Variants in SMURF1 observed in about 807,000 individuals in gnomAD.
SMURF1 encodes the protein E3 ubiquitin-protein ligase SMURF1.
In SMURF1, 44 loss-of-function variants were observed where a neutral mutation model predicts 98.0. The ratio of observed to expected loss-of-function variants is 0.45; its 90% confidence interval spans 0.35 to 0.58. The LOEUF is 0.58. Ranked by LOEUF, SMURF1 falls within the 20% of genes least tolerant of loss-of-function variation. SMURF1 has a pLI of 0.00. For synonymous variants in SMURF1, 396 were observed against 374.9 expected (o/e 1.06, Z -0.65); for missense variants, 687 against 938.4 (o/e 0.73, Z 3.50).
rs1562994826 is a variant in SMURF1 at position 99,033,019 on chromosome 7, C to A, written c.2096+18G>T. Reference sequence around the variant, plus strand: ...TGGGGCTCCCAGGACGCCGTGACTTCCTGGCCGCGGTGCTTACCAGGTATG... The same window carrying A: ...TGGGGCTCCCAGGACGCCGTGACTTACTGGCCGCGGTGCTTACCAGGTATG... On this transcript the variant is annotated intron_variant, in intron 17 of 17. Coordinates refer to ENST00000361368, the MANE Select transcript of SMURF1 (RefSeq NM_181349.3). 6.3e-7 allele frequency: 1 copy of A among 1,599,668 alleles called. No homozygotes were observed. The highest frequency in any genetic ancestry group is 2.3e-5 in the East Asian group (1 of 44,424).
intron 1 of SMURF1, among the ~76,000 whole-genome samples, chr7:99,076,074 T>C (rs1318081722): frequency 1.3e-5 from 2 of 151,684 alleles, no homozygotes; most frequent in Non-Finnish European, 3.0e-5. Flanking sequence ...TCCTGGCTAA[T>C]TTTTTATTTT....
chr7:99,072,658 AGAAAATCC>A, intron 1 of SMURF1, among the ~76,000 whole-genome samples: 1 of 152,286 alleles, frequency 6.6e-6, no homozygotes, highest in East Asian at 1.9e-4. Flanking sequence ...AGAAAAGAAA[AGAAAATCC>A]GAAGGTGAGG....
At chr7:99,046,877 G>A (rs113340938) in intron 10 of SMURF1, among the ~76,000 whole-genome samples, 5 of 152,234 alleles carry the variant, frequency 3.3e-5, no homozygotes, top group South Asian at 2.1e-4. Context: ...AGGGCTGGGC[G>A]CTGTGGCCAA....
intron 6 of SMURF1, among the ~76,000 whole-genome samples, chr7:99,052,921 G>C (rs1795794867): frequency 6.6e-6 from 1 of 152,120 alleles, no homozygotes; most frequent in Non-Finnish European, 1.5e-5. Flanking sequence ...AAAATTAGCT[G>C]GGTGTGGTGG....
At chr7:99,045,038 C>G (rs1237329746) in intron 11 of SMURF1, among the ~76,000 whole-genome samples, 3 of 151,974 alleles carry the variant, frequency 2.0e-5, no homozygotes, top group Admixed American at 1.3e-4. Flanking sequence ...ACTTGGGAGG[C>G]TGAGGTAGGA....
At chr7:99,087,282 G>T (rs1796703873) in intron 1 of SMURF1, among the ~76,000 whole-genome samples, 1 of 152,114 alleles carries the variant, frequency 6.6e-6, no homozygotes, top group South Asian at 2.1e-4. Flanking sequence ...CTACTTGGGA[G>T]GCTGAGGTGG....
intron 11 of SMURF1, among the ~76,000 whole-genome samples, chr7:99,044,967 C>A (rs1795524504): frequency 6.6e-6 from 1 of 152,140 alleles, no homozygotes; most frequent in Non-Finnish European, 1.5e-5. Context: ...AAGACCTCAT[C>A]TCTACAAAAA....
intron 1 of SMURF1, among the ~76,000 whole-genome samples, chr7:99,069,668 A>G (rs1422448676): frequency 3.3e-5 from 5 of 152,032 alleles, no homozygotes; most frequent in Non-Finnish European, 7.4e-5. Flanking sequence ...TGATCTGTCA[A>G]TTCTGATACA....
chr7:99,067,012 T>C (rs1796211628), intron 1 of SMURF1, among the ~76,000 whole-genome samples: 1 of 150,140 alleles, frequency 6.7e-6, no homozygotes, highest in Admixed American at 6.6e-5. Flanking sequence ...TTTTTTTTTT[T>C]TGAGACAGAG....
intron 1 of SMURF1, among the ~76,000 whole-genome samples, chr7:99,092,949 CT>C (rs1796849300): frequency 6.6e-6 from 1 of 152,152 alleles, no homozygotes; most frequent in Non-Finnish European, 1.5e-5. Flanking sequence ...AACACACCTA[CT>C]GAGAATAATG....
intron 13 of SMURF1, among the ~76,000 whole-genome samples, 186 bp from the exon 14 acceptor site, chr7:99,038,711 T>C (rs112878565): frequency 9.9e-5 from 15 of 152,202 alleles, no homozygotes; most frequent in African/African-American, 3.4e-4. Context: ...CACAGCTCTG[T>C]TTCCAGATGT....
intron 1 of SMURF1, among the ~76,000 whole-genome samples, chr7:99,090,015 T>C (rs1330892133): frequency 1.3e-5 from 2 of 152,126 alleles, no homozygotes; most frequent in Admixed American, 6.5e-5. Flanking sequence ...GAAAAGGACT[T>C]CCTGGAAAAA....
At chr7:99,037,249 TTTTTTGGAGACAG>T (rs1795180793) in intron 14 of SMURF1, 62 bp from the exon 15 acceptor site, 1 of 1,608,120 alleles carries the variant, frequency 6.2e-7, no homozygotes. Context: ...TGGGCAGGTT[TTTTTTGGAGACAG>T]GGTCTCACTC....
At chr7:99,142,637 T>TGG (rs760358945) in intron 1 of SMURF1, among the ~76,000 whole-genome samples, 1 of 53,574 alleles carries the variant, frequency 1.9e-5, no homozygotes, top group Non-Finnish European at 3.4e-5. Flanking sequence ...GAGGACGGTG[T>TGG]GGGGGGGTGA....
chr7:99,126,728 T>C (rs1797754641), intron 1 of SMURF1, among the ~76,000 whole-genome samples: 3 of 152,244 alleles, frequency 2.0e-5, no homozygotes, highest in Admixed American at 2.0e-4. Flanking sequence ...GGCAACACAT[T>C]GGGATAAGAT....
At chr7:99,136,366 T>C (rs544291677) in intron 1 of SMURF1, among the ~76,000 whole-genome samples, 2 of 152,206 alleles carry the variant, frequency 1.3e-5, no homozygotes, top group Admixed American at 1.3e-4. Flanking sequence ...AGACTTTCAT[T>C]TTCGTATCCA....
At chr7:99,086,310 C>G (rs959476259) in intron 1 of SMURF1, among the ~76,000 whole-genome samples, 4 of 151,408 alleles carry the variant, frequency 2.6e-5, no homozygotes, top group African/African-American at 9.7e-5. Flanking sequence ...CACACCATTG[C>G]ACTCCAGTCT....
intron 1 of SMURF1, among the ~76,000 whole-genome samples, chr7:99,080,512 TG>T (rs1215090903): frequency 6.6e-6 from 1 of 152,174 alleles, no homozygotes; most frequent in African/African-American, 2.4e-5. Context: ...TTGGTCAGGC[TG>T]GTCTTGAACT....
chr7:99,141,052 C>T (rs1435503136), intron 1 of SMURF1, among the ~76,000 whole-genome samples: 3 of 152,200 alleles, frequency 2.0e-5, no homozygotes, highest in African/African-American at 7.2e-5. Flanking sequence ...AGGATGATCA[C>T]ACTCACAAAT....
Sources: allele counts gnomAD v4.1 joint callset (sites outside exome capture counted in the v4.1 genomes callset), GRCh38; gene constraint gnomAD v4.1.1; transcripts MANE v1.5; gene names NCBI Gene and HGNC (gene_info 2026-07-23, HGNC 2026-07-21).